Variants in ANO10 observed in about 807,000 individuals in gnomAD.
ANO10 encodes anoctamin 10, also known as anoctamin-10.
ANO10 carries 77 observed loss-of-function variants against 74.7 expected under a neutral mutation model. The ratio of observed to expected loss-of-function variants is 1.03; its 90% CI spans 0.86 to 1.25. ANO10 has a LOEUF of 1.25. Among genes scored for constraint, ANO10 ranks in the 50% most tolerant of loss-of-function variants. ANO10 has a pLI of 0.00. For synonymous variants in ANO10, 279 were observed against 284.9 expected (o/e 0.98, Z 0.21); for missense variants, 721 against 778.1 (o/e 0.93, Z 0.87).
chr3:43,536,891 A>C (rs2078733525), intron 11 of ANO10, among the ~76,000 whole-genome samples: 1 of 151,954 alleles, frequency 6.6e-6, no homozygotes, highest in Non-Finnish European at 1.5e-5. Context: ...CTTTTAACTT[A>C]AATAGAAAAT....
At chr3:43,462,927 G>A (rs1054280418) in intron 11 of ANO10, among the ~76,000 whole-genome samples, 18 of 152,210 alleles carry the variant, frequency 1.2e-4, no homozygotes, top group Non-Finnish European at 2.1e-4. Context: ...CACCTTCCAC[G>A]TGGTGTTGAG....
chr3:43,513,739 T>G (rs866497930), intron 11 of ANO10, among the ~76,000 whole-genome samples: 1 of 152,136 alleles, frequency 6.6e-6, no homozygotes, highest in Non-Finnish European at 1.5e-5. Flanking sequence ...CTTGATCTCC[T>G]GACCTTGTGA....
chr3:43,466,339 C>T (rs963646748), intron 11 of ANO10, among the ~76,000 whole-genome samples: 8 of 144,492 alleles, frequency 5.5e-5, no homozygotes, highest in African/African-American at 7.7e-5. Context: ...GCACTGCACT[C>T]CAGCCTGGTG....
intron 12 of ANO10, among the ~76,000 whole-genome samples, chr3:43,383,330 T>C (rs893715114): frequency 6.6e-6 from 1 of 151,908 alleles, no homozygotes; most frequent in African/African-American, 2.4e-5. Flanking sequence ...GGCAGGTGCC[T>C]GTAGTCCCAG....
chr3:43,567,218 A>G (rs1055057330), intron 7 of ANO10, among the ~76,000 whole-genome samples: 3 of 152,118 alleles, frequency 2.0e-5, no homozygotes, highest in Non-Finnish European at 2.9e-5. Flanking sequence ...TGGTGTACCT[A>G]AAAGTGATGG....
chr3:43,549,942 CTT>C, intron 10 of ANO10, 94 bp from the exon 11 acceptor site: 1 of 1,422,778 alleles, frequency 7.0e-7, no homozygotes, highest in East Asian at 2.3e-5. Flanking sequence ...AGGAAAATGT[CTT>C]ACCCTAGTTC....
chr3:43,441,887 A>G (rs2093165534), intron 11 of ANO10, among the ~76,000 whole-genome samples: 1 of 152,212 alleles, frequency 6.6e-6, no homozygotes, highest in East Asian at 1.9e-4. Context: ...CCACACTAAC[A>G]GAATGAAAGA....
chr3:43,657,070 G>C (rs1193721019), intron 1 of ANO10, among the ~76,000 whole-genome samples: 4 of 152,250 alleles, frequency 2.6e-5, no homozygotes, highest in Non-Finnish European at 4.4e-5. Flanking sequence ...AAAAATAAAT[G>C]AATGTTTCAA....
rs550874282 is a variant in ANO10 at position 43,561,272 on chromosome 3, T to A, written c.1424A>T (p.Asp475Val). 6.2e-7 allele frequency: 1 copy of A among 1,614,202 alleles called. No individual in the cohort carries two copies. ...RKVQALKADI[D>V]ATLYEQVILE... ...GATGACTTGTTCATATAATGTAGCA[T>A]CAATGTCTGCCTTTAAAGCCTGCAC... is the stretch of plus-strand genomic sequence containing the variant. Residue 475 changes from aspartate to valine, a missense_variant, in exon 9 of 13, where the codon GAT becomes GTT. Asp to Val is a radical substitution (Grantham distance 152, BLOSUM62 -3). Transcript: ENST00000292246.
intron 12 of ANO10, among the ~76,000 whole-genome samples, chr3:43,423,584 G>C (rs1254395852): frequency 6.6e-6 from 1 of 152,224 alleles, no homozygotes; most frequent in Non-Finnish European, 1.5e-5. Context: ...CTGTGAAGCT[G>C]ACTGCAGAGG....
At chr3:43,373,194 C>A (rs1241736957) in intron 12 of ANO10, among the ~76,000 whole-genome samples, 2 of 151,316 alleles carry the variant, frequency 1.3e-5, no homozygotes, top group African/African-American at 4.9e-5. Context: ...TCATGGCTAG[C>A]AAGCTCAAGC....
chr3:43,503,437 A>G (rs866494498), intron 11 of ANO10, among the ~76,000 whole-genome samples: 1 of 152,226 alleles, frequency 6.6e-6, no homozygotes, highest in East Asian at 1.9e-4. Context: ...ATAGATGAGG[A>G]GAGGGGAGTA....
chr3:43,646,739 A>G (rs1163446191), intron 1 of ANO10, among the ~76,000 whole-genome samples: 1 of 152,026 alleles, frequency 6.6e-6, no homozygotes, highest in East Asian at 1.9e-4. Context: ...TGAACTCCTG[A>G]CCTCAGGTGA....
chr3:43,531,534 T>C (rs980028844), intron 11 of ANO10, among the ~76,000 whole-genome samples: 2 of 152,088 alleles, frequency 1.3e-5, no homozygotes, highest in African/African-American at 2.4e-5. Flanking sequence ...GTATAAAAAA[T>C]AAATATATAG....
At chr3:43,600,734 C>T (rs2082305082) in intron 2 of ANO10, among the ~76,000 whole-genome samples, 153 bp from the exon 3 acceptor site, 1 of 152,036 alleles carries the variant, frequency 6.6e-6, no homozygotes. Context: ...AACATAAGTA[C>T]ATTAGGGATG....
chr3:43,614,240 A>G (rs988773709), intron 1 of ANO10, among the ~76,000 whole-genome samples: 3 of 152,196 alleles, frequency 2.0e-5, no homozygotes, highest in Non-Finnish European at 1.5e-5. Context: ...TTGCTGAGAC[A>G]CTAAAAGCAG....
intron 1 of ANO10, among the ~76,000 whole-genome samples, chr3:43,688,383 A>G (rs1049178099): frequency 2.6e-5 from 4 of 152,182 alleles, no homozygotes; most frequent in African/African-American, 9.7e-5. Flanking sequence ...CAGACACACT[A>G]CAAGTGTCTG....
intron 12 of ANO10, among the ~76,000 whole-genome samples, chr3:43,382,832 T>C (rs1056654033): frequency 6.6e-6 from 1 of 151,892 alleles, no homozygotes; most frequent in African/African-American, 2.4e-5. Context: ...GAGGGAGAAA[T>C]AGAAACTCTG....
chr3:43,423,072 G>GGA lies in ANO10; in HGVS notation c.1914+9537_1914+9538dup, dbSNP rs1388807509. On this transcript the variant is annotated intron_variant, in intron 12 of 12. Coordinates refer to ENST00000292246, the MANE Select transcript of ANO10 (RefSeq NM_018075.5). ...ATTTGGGGTTATTTTACAATCTTGG[G>GGA]GAGCTACTCTTGTTACTGATGTCAA... 5.9e-5 allele frequency among the ~76,000 whole-genome samples: 9 copies of GGA among 151,846 alleles called. No individual in the cohort carries two copies. In the East Asian group the frequency reaches 1.7e-3, roughly 29 times the overall value.
Sources: allele counts gnomAD v4.1 joint callset (sites outside exome capture counted in the v4.1 genomes callset), GRCh38; gene constraint gnomAD v4.1.1; transcripts MANE v1.5; gene names NCBI Gene and HGNC (gene_info 2026-07-23, HGNC 2026-07-21).